The following SIGLEC12 variants were observed in gnomAD, a reference collection of about 807,000 sequenced individuals.
The protein encoded by SIGLEC12 is sialic acid binding Ig like lectin 12, also known as sialic acid-binding Ig-like lectin 12.
In SIGLEC12, 43 loss-of-function variants were observed where a neutral mutation model predicts 54.1. That is an observed-to-expected ratio of 0.80 (90% CI 0.62 to 1.03). The LOEUF is 1.03. Ranked by LOEUF, SIGLEC12 falls within the 50% of genes least tolerant of loss-of-function variation. The pLI is 0.00. For missense variants in SIGLEC12, 802 were observed against 735.2 expected, an observed-to-expected ratio of 1.09 and a Z score of -1.05; for synonymous variants, 357 against 307.6, an observed-to-expected ratio of 1.16 and a Z score of -1.68.
In SIGLEC12 at chr19:51,498,250, G is replaced by A; in HGVS notation, c.1173C>T (p.Val391=). 1.2e-6 allele frequency: 2 copies of A among 1,613,080 alleles called. No individual in the cohort carries two copies. Among genetic ancestry groups the A allele is most frequent in the Non-Finnish European group, 8.5e-7 (1 of 1,179,360 alleles). Residue 391 remains valine, a synonymous_variant, in exon 5 of 8, where the codon GTC becomes GTT. Transcript: ENST00000291707. Reference sequence around the variant, plus strand: ...CAAGGTGCAGGGACTGGCCCTCCAGGACTGAAAGGGCCGAGCCATTCCTCA... The same window carrying A: ...CAAGGTGCAGGGACTGGCCCTCCAGAACTGAAAGGGCCGAGCCATTCCTCA... The part of the protein sequence containing the change: ...TTLRNGSALS[V]LEGQSLHLVC...
At position 51,496,940 on chromosome 19, in the gene SIGLEC12, T is replaced by C. The variant is rs1484830785; in HGVS notation, c.1539A>G (p.Ala513=). ...CCATGCCTGTATCCCCCACGCCCAC[T>C]GCTGGCCTTGCCGATTTCTTCCTGC... is the stretch of plus-strand genomic sequence containing the variant. ...RSCRKKSARP[A]VGVGDTGMED... Residue 513 remains alanine, a synonymous_variant, in exon 7 of 8, where the codon GCA becomes GCG. Transcript: ENST00000291707. 6.2e-7 allele frequency: 1 copy of C among 1,613,538 alleles called. No homozygotes were observed. Among genetic ancestry groups the C allele is most frequent in the African/African-American group, 1.3e-5 (1 of 74,912 alleles).
In SIGLEC12 at chr19:51,499,181, C is replaced by T; in HGVS notation, c.1124G>A (p.Gly375Glu). 1 of 1,614,052 alleles carries T rather than the reference C, an allele frequency of 6.2e-7. No homozygotes were observed. The highest frequency in any genetic ancestry group is 1.1e-5 in the South Asian group (1 of 91,080). ...GGACTCCATCTTACCTGTGCCATCT[C>T]CTTGGAAGACAGTCATGGTCAAGTT... is the stretch of plus-strand genomic sequence containing the variant. ...PQNLTMTVFQGDGTASTTLRN... is the reference protein window; with the variant it reads ...PQNLTMTVFQEDGTASTTLRN... The change falls in exon 4 of 8, where the codon GGA (glycine) becomes GAA (glutamate). Residue 375 changes from glycine to glutamate, a missense_variant. Transcript: ENST00000291707.
At chr19:51,499,286 G>C (rs1990325472) in intron 3 of SIGLEC12, 69 bp from the exon 4 acceptor site, 1 of 1,588,000 alleles carries the variant, frequency 6.3e-7, no homozygotes, top group Non-Finnish European at 8.6e-7. Flanking sequence ...CTCCCCAGGA[G>C]CCCCATAAAT....
At position 51,498,229 on chromosome 19, in the gene SIGLEC12, G is replaced by A; in HGVS notation, c.1194C>T (p.His398=). The A allele has an allele frequency of 6.2e-7, 1 of 1,614,108 alleles. No homozygotes were observed. The highest frequency in any genetic ancestry group is 8.5e-7 in the Non-Finnish European group (1 of 1,179,966). The change falls in exon 5 of 8, where the codon CAC becomes CAT. Residue 398 remains histidine, a synonymous_variant. Coordinates refer to ENST00000291707, the MANE Select transcript of SIGLEC12 (RefSeq NM_053003.4). ...ALSVLEGQSL[H]LVCAVDSNPP... ...GATTGCTGTCGACAGCACAGACAAG[G>A]TGCAGGGACTGGCCCTCCAGGACTG...
At chr19:51,497,819 C>G (rs1422470822) in intron 5 of SIGLEC12, among the ~76,000 whole-genome samples, 199 bp downstream of exon 5, 1 of 152,208 alleles carries the variant, frequency 6.6e-6, no homozygotes, top group Non-Finnish European at 1.5e-5. Flanking sequence ...AAGCAAGGCC[C>G]TTGTATCCCC....
intron 7 of SIGLEC12, among the ~76,000 whole-genome samples, chr19:51,495,007 C>T (rs570024023): frequency 4.6e-5 from 7 of 152,162 alleles, no homozygotes; most frequent in East Asian, 1.9e-4. Flanking sequence ...TATTGTTCAA[C>T]GAATGTGGAG....
At position 51,499,650 on chromosome 19, in the gene SIGLEC12, G is replaced by A. The variant is rs771217767; in HGVS notation, c.875C>T (p.Thr292Ile). The change falls in exon 3 of 8, where the codon ACC becomes ATC. Residue 292 changes from threonine (T) to isoleucine (I), a missense_variant. Thr to Ile is a moderately conservative substitution (Grantham distance 89). Transcript: ENST00000291707. ...TTCACAGGCCCAGGGCACAGAGCAG[G>A]TCAGGTTCCTGGGGTGGCCAGACTC... ...TLESGHPRNL[T>I]CSVPWACEQG... The A allele has an allele frequency of 5.0e-6, 8 of 1,614,006 alleles. No homozygotes were observed. The East Asian group carries it at 1.1e-4, about 22-fold the overall frequency.
At chr19:51,500,974 A>G (rs954411843) in intron 1 of SIGLEC12, among the ~76,000 whole-genome samples, 2 of 152,106 alleles carry the variant, frequency 1.3e-5, no homozygotes, top group Non-Finnish European at 2.9e-5. Context: ...TGCTTCTGGC[A>G]TCTGGTGGGG....
At position 51,495,371 on chromosome 19, in the gene SIGLEC12, GGATGGA is replaced by G. The variant is rs1484797557; in HGVS notation, c.1599+1503_1599+1508del. ...TGGATGGACAGACGGGTGGGTGGAT[GGATGGA>G]TGGATGGATGGATGGATGGATGGGT... is the stretch of plus-strand genomic sequence containing the variant. On this transcript the variant is annotated intron_variant, in intron 7 of 7. Coordinates refer to ENST00000291707, the MANE Select transcript of SIGLEC12 (RefSeq NM_053003.4). 5.5e-3 allele frequency among the ~76,000 whole-genome samples: 545 copies of G among 98,532 alleles called. 95 individuals carry two copies. Among genetic ancestry groups the G allele is most frequent in the Non-Finnish European group, 7.0e-3 (319 of 45,452 alleles). The allele number at this position is 98,532 out of a possible 152,430, so 64.6% of individuals were successfully genotyped here.
rs543973854 is a variant in SIGLEC12, at chr19:51,498,117, C to G, written c.1306G>C (p.Val436Leu). 1.2e-6 allele frequency: 2 copies of G among 1,614,242 alleles called. No individual in the cohort carries two copies. The highest frequency in any genetic ancestry group is 1.3e-5 in the African/African-American group (1 of 75,058). The change falls in exon 5 of 8, where the codon GTG (valine) becomes CTG (leucine). Residue 436 changes from valine to leucine, a missense_variant. Transcript: ENST00000291707. ...AATTCCCCTTCATCCTTCACATGCA[C>G]TCGAGGCAGCTCCAGCACCCCAAGG... ...SNLGVLELPR[V>L]HVKDEGEFTC...
At chr19:51,491,933 A>G (rs1005319765) in intron 7 of SIGLEC12, 104 bp from the exon 8 acceptor site, 1 of 856,924 alleles carries the variant, frequency 1.2e-6, no homozygotes, top group African/African-American at 1.7e-5. Context: ...CATTCATCCC[A>G]TGTGCACTTT....
chr19:51,497,880 C>T (rs903822758), intron 5 of SIGLEC12, 138 bp downstream of exon 5: 2 of 1,254,420 alleles, frequency 1.6e-6, no homozygotes, highest in Admixed American at 2.7e-5. Context: ...TAACTCCTCC[C>T]CTCTCCCCAC....
At chr19:51,492,587 G>A (rs941297188) in intron 7 of SIGLEC12, among the ~76,000 whole-genome samples, 23 of 152,194 alleles carry the variant, frequency 1.5e-4, no homozygotes, top group African/African-American at 5.6e-4. Flanking sequence ...TATCGAGATG[G>A]GGAAATTATC....
Position 51,498,238 on chromosome 19 carries a change from C to G in SIGLEC12, c.1185G>C (p.Gln395His). ...NGSALSVLEG[Q>H]SLHLVCAVDS... ...CGACAGCACAGACAAGGTGCAGGGACTGGCCCTCCAGGACTGAAAGGGCCG... is the reference window on the plus strand; with the variant it reads ...CGACAGCACAGACAAGGTGCAGGGAGTGGCCCTCCAGGACTGAAAGGGCCG... Residue 395 changes from glutamine to histidine, a missense_variant, in exon 5 of 8, where the codon CAG (glutamine) becomes CAC (histidine). Physicochemically the swap from Gln to His is conservative, Grantham distance 24 (BLOSUM62 0). Transcript: ENST00000291707. 1 of 1,613,938 alleles carries G rather than the reference C, an allele frequency of 6.2e-7. No homozygotes were observed. Among genetic ancestry groups the G allele is most frequent in the Non-Finnish European group, 8.5e-7 (1 of 1,179,890 alleles).
intron 7 of SIGLEC12, among the ~76,000 whole-genome samples, chr19:51,492,663 A>T (rs1208524256): frequency 1.3e-5 from 2 of 152,186 alleles, no homozygotes; most frequent in Admixed American, 1.3e-4. Context: ...GGAGGAGGGC[A>T]TAGATAGATT....
chr19:51,494,627 A>G (rs1990179448), intron 7 of SIGLEC12, among the ~76,000 whole-genome samples: 1 of 152,256 alleles, frequency 6.6e-6, no homozygotes, highest in South Asian at 2.1e-4. Flanking sequence ...CACCCAAAAG[A>G]ATTAAAAGCA....
In SIGLEC12 at chr19:51,501,502, T is replaced by A. The variant is rs1990395906; in HGVS notation, c.232A>T (p.Thr78Ser). 6.2e-7 allele frequency: 1 copy of A among 1,611,404 alleles called. No homozygotes were observed. Among genetic ancestry groups the A allele is most frequent in the African/African-American group, 1.4e-5 (1 of 74,016 alleles). The change falls in exon 1 of 8, where the codon ACA becomes TCA. Residue 78 changes from threonine (T) to serine (S), a missense_variant. Coordinates refer to ENST00000291707, the MANE Select transcript of SIGLEC12 (RefSeq NM_053003.4). ...DHVSRNIPVA[T>S]NNPARAVQEE... ...TGCACTGCTCGAGCTGGGTTGTTTG[T>A]GGCCACTGGAATGTTCCGGCTTACA... is the stretch of plus-strand genomic sequence containing the variant.
At chr19:51,494,766 A>T (rs1990181934) in intron 7 of SIGLEC12, among the ~76,000 whole-genome samples, 1 of 152,256 alleles carries the variant, frequency 6.6e-6, no homozygotes, top group Non-Finnish European at 1.5e-5. Flanking sequence ...CATACACACA[A>T]TGCAATATTA....
Position 51,499,153 on chromosome 19 carries a change from A to G in SIGLEC12, c.1135+17T>C. The G allele has an allele frequency of 6.2e-7, 1 of 1,613,748 alleles. No individual in the cohort carries two copies. Among genetic ancestry groups the G allele is most frequent in the Non-Finnish European group, 8.5e-7 (1 of 1,179,674 alleles). On this transcript the variant is annotated intron_variant, in intron 4 of 7. Coordinates refer to ENST00000291707, the MANE Select transcript of SIGLEC12 (RefSeq NM_053003.4). ...AGGCTCTGCTCCTCCAGCCCCAGGG[A>G]GAGGACTCCATCTTACCTGTGCCAT...
Sources: allele counts gnomAD v4.1 joint callset (sites outside exome capture counted in the v4.1 genomes callset), GRCh38; gene constraint gnomAD v4.1.1; transcripts MANE v1.5; gene names NCBI Gene and HGNC (gene_info 2026-07-23, HGNC 2026-07-21).